The following TBXAS1 variants were observed in gnomAD, a reference collection of about 807,000 sequenced individuals.
TBXAS1 encodes thromboxane A synthase 1, also known as thromboxane-A synthase.
TBXAS1 carries 48 observed loss-of-function variants against 60.7 expected under a neutral mutation model. The ratio of observed to expected loss-of-function variants is 0.79; its 90% CI spans 0.63 to 1.01. The LOEUF (loss-of-function observed/expected upper bound fraction) is 1.01, where lower values mean the gene tolerates loss of function less well. Ranked by LOEUF, TBXAS1 falls within the 50% of genes least tolerant of loss-of-function variation. TBXAS1 has a pLI of 0.00. For missense variants in TBXAS1, 685 were observed against 686.3 expected (o/e 1.00, Z 0.02); for synonymous variants, 287 against 269.7 (o/e 1.06, Z -0.63).
intron 9 of TBXAS1, among the ~76,000 whole-genome samples, chr7:139,979,063 G>A (rs1040648317): frequency 6.6e-6 from 1 of 152,222 alleles, no homozygotes. Context: ...TGGCTCCAGA[G>A]CTCCTGGGAG....
chr7:139,954,814 A>G (rs1164403513), intron 6 of TBXAS1, among the ~76,000 whole-genome samples: 1 of 152,172 alleles, frequency 6.6e-6, no homozygotes, highest in Non-Finnish European at 1.5e-5. Flanking sequence ...CTAAAGCACA[A>G]TGTATGTTTT....
chr7:139,930,640 G>C (rs544390803), intron 4 of TBXAS1, among the ~76,000 whole-genome samples: 1 of 152,146 alleles, frequency 6.6e-6, no homozygotes, highest in Non-Finnish European at 1.5e-5. Flanking sequence ...ATAAGGGATT[G>C]GGAAGTTAAG....
intron 4 of TBXAS1, among the ~76,000 whole-genome samples, chr7:139,803,772 G>A (rs1343118543): frequency 1.3e-5 from 2 of 152,228 alleles, no homozygotes; most frequent in Non-Finnish European, 2.9e-5. Flanking sequence ...GAGGGTGCAA[G>A]TCCCAAATCT....
intron 1 of TBXAS1, among the ~76,000 whole-genome samples, chr7:139,865,070 G>A (rs150441520): frequency 6.2e-4 from 95 of 152,302 alleles, no homozygotes; most frequent in African/African-American, 2.1e-3. Context: ...CTACTGATAC[G>A]TGAGTGAGTG....
intron 4 of TBXAS1, among the ~76,000 whole-genome samples, chr7:139,807,574 AG>A (rs1797910973): frequency 6.6e-6 from 1 of 152,132 alleles, no homozygotes; most frequent in Non-Finnish European, 1.5e-5. Flanking sequence ...TAGTAGAGAC[AG>A]GGTTTCACCA....
At chr7:139,950,355 AG>A (rs1418549399) in intron 5 of TBXAS1, among the ~76,000 whole-genome samples, 1 of 152,042 alleles carries the variant, frequency 6.6e-6, no homozygotes, top group African/African-American at 2.4e-5. Flanking sequence ...GATTTTAATG[AG>A]TGAGTACATC....
intron 4 of TBXAS1, among the ~76,000 whole-genome samples, chr7:139,806,413 C>T (rs983866101): frequency 6.6e-6 from 1 of 151,818 alleles, no homozygotes; most frequent in Non-Finnish European, 1.5e-5. Context: ...CAGGCGCGCT[C>T]TACCATACCC....
chr7:139,916,455 G>A lies in TBXAS1; in HGVS notation c.333+5134G>A, dbSNP rs369184516. On this transcript the variant is annotated intron_variant, in intron 4 of 12. Transcript: ENST00000448866. The surrounding 1 kb of genome is among the most constrained non-coding windows in gnomAD (Gnocchi z 4.2). Reference sequence around the variant, plus strand: ...ACAGAGGTCACCTCTCCAGGCACAGGTCGAGCCACACCACTGACACACAAG... The same window carrying A: ...ACAGAGGTCACCTCTCCAGGCACAGATCGAGCCACACCACTGACACACAAG... Among the ~76,000 whole-genome samples the A allele has an allele frequency of 1.8e-4, 28 of 152,264 alleles. No homozygotes were observed. In the East Asian group the frequency reaches 5.2e-3, roughly 28 times the overall value.
chr7:140,017,530 G>T (rs1323035401), intron 11 of TBXAS1, 141 bp from the exon 12 acceptor site: 68 of 1,140,630 alleles, frequency 6.0e-5, no homozygotes, highest in Non-Finnish European at 7.9e-5. Flanking sequence ...AGGGACTGAG[G>T]CTCAGGAATG....
At chr7:139,840,167 T>C (rs1411407713) in intron 1 of TBXAS1, among the ~76,000 whole-genome samples, 1 of 152,158 alleles carries the variant, frequency 6.6e-6, no homozygotes, top group Non-Finnish European at 1.5e-5. Context: ...GAGTTTCTTC[T>C]ACATGTAAGA....
In TBXAS1 at chr7:139,910,530, A is replaced by G. The variant is rs539545815; in HGVS notation, c.237-695A>G. ...TGGGCGCCTGTAATCCCAGCTACTCAGGAGGCTGAGGCAGAAGAATCGCTT... is the reference window on the plus strand; with the variant it reads ...TGGGCGCCTGTAATCCCAGCTACTCGGGAGGCTGAGGCAGAAGAATCGCTT... On this transcript the variant is annotated intron_variant, in intron 3 of 12. Transcript: ENST00000448866. 2.6e-5 allele frequency among the ~76,000 whole-genome samples: 4 copies of G among 152,248 alleles called. No individual in the cohort carries two copies. The South Asian group carries it at 8.3e-4, about 32-fold the overall frequency.
intron 3 of TBXAS1, among the ~76,000 whole-genome samples, chr7:139,905,024 TTTC>T (rs1444829156): frequency 0.017 from 1,390 of 80,654 alleles, 30 homozygotes; most frequent in African/African-American, 0.086. Flanking sequence ...TCTTTCTTTC[TTTC>T]TTTCTTTCTT....
intron 3 of TBXAS1, among the ~76,000 whole-genome samples, chr7:139,906,386 C>G (rs1044351874): frequency 6.6e-6 from 1 of 152,060 alleles, no homozygotes; most frequent in Admixed American, 6.6e-5. Context: ...AAAAACCTAC[C>G]CTTCCTGCAT....
intron 1 of TBXAS1, among the ~76,000 whole-genome samples, chr7:139,867,422 G>T (rs1170527708): frequency 2.0e-5 from 3 of 152,154 alleles, no homozygotes; most frequent in Non-Finnish European, 4.4e-5. Context: ...ACCTCAGTCA[G>T]TTTGACCATC....
At chr7:139,819,535 C>T (rs1332479789) in intron 4 of TBXAS1, among the ~76,000 whole-genome samples, 1 of 152,206 alleles carries the variant, frequency 6.6e-6, no homozygotes, top group African/African-American at 2.4e-5. Flanking sequence ...TGCAGTCTCA[C>T]TCTGTCGCCC....
chr7:139,867,596 G>A (rs1389475262), intron 1 of TBXAS1, among the ~76,000 whole-genome samples: 1 of 152,120 alleles, frequency 6.6e-6, no homozygotes, highest in African/African-American at 2.4e-5. Flanking sequence ...CAAGGCAGGC[G>A]GATCGCCTGA....
At chr7:139,832,127 G>A (rs1419492368) in intron 1 of TBXAS1, among the ~76,000 whole-genome samples, 1 of 152,142 alleles carries the variant, frequency 6.6e-6, no homozygotes, top group Non-Finnish European at 1.5e-5. Flanking sequence ...GAAGCGGATT[G>A]CTCCTGTAGG....
intron 4 of TBXAS1, among the ~76,000 whole-genome samples, chr7:139,933,013 C>T (rs1381446975): frequency 2.0e-5 from 3 of 152,148 alleles, no homozygotes; most frequent in African/African-American, 7.2e-5. Context: ...GCCACGATCA[C>T]ACCAATGCAC....
intron 9 of TBXAS1, among the ~76,000 whole-genome samples, chr7:140,006,716 A>G (rs541134752): frequency 6.6e-6 from 1 of 152,246 alleles, no homozygotes; most frequent in East Asian, 1.9e-4. Context: ...TTTCTCATCT[A>G]AGAGATGGGG....
Sources: allele counts gnomAD v4.1 joint callset (sites outside exome capture counted in the v4.1 genomes callset), GRCh38; gene constraint gnomAD v4.1.1; non-coding constraint Gnocchi (gnomAD v3.1); transcripts MANE v1.5; gene names NCBI Gene and HGNC (gene_info 2026-07-23, HGNC 2026-07-21).